The following DMD variants were observed in gnomAD, a reference collection of about 807,000 sequenced individuals.
The protein encoded by DMD is dystrophin.
A neutral mutation model predicts 330.1 loss-of-function variants in DMD; 63 were observed. That is an observed-to-expected ratio of 0.19 (90% CI 0.16 to 0.24). The LOEUF (loss-of-function observed/expected upper bound fraction) is 0.24. Among genes scored for constraint, DMD ranks in the 10% least tolerant of loss-of-function variants. DMD has a pLI of 1.00. For missense variants in DMD, 3,344 were observed against 2,684.1 expected (o/e 1.25, Z -5.43); for synonymous variants, 1,223 against 959.8 (o/e 1.27, Z -5.07).
At chrX:32,567,345 G>A (rs1303585634) in intron 15 of DMD, among the ~76,000 whole-genome samples, 1 of 112,137 alleles carries the variant, frequency 8.9e-6, no homozygotes, top group Non-Finnish European at 1.9e-5. Flanking sequence ...ATTATACACT[G>A]AATTCAAATC....
At chrX:33,028,904 G>C (rs1204289795) in intron 1 of DMD, among the ~76,000 whole-genome samples, 1 of 111,579 alleles carries the variant, frequency 9.0e-6, no homozygotes. Context: ...AAATTAGTTT[G>C]TTGTCTTCCA....
chrX:31,724,971 C>G (rs768188416), intron 52 of DMD, among the ~76,000 whole-genome samples: 1 of 112,041 alleles, frequency 8.9e-6, no homozygotes, highest in African/African-American at 3.2e-5. Context: ...ACACAGAAGT[C>G]AAAAGTATAA....
Position 32,823,282 on chromosome X carries a change from T to A in DMD, c.357+13A>T. On this transcript the variant is annotated intron_variant, in intron 5 of 78. Coordinates refer to ENST00000357033, the MANE Select transcript of DMD (RefSeq NM_004006.3). The stretch of plus-strand genomic sequence containing the variant: ...ATGTTACCCAAAAGGAAACCATTCA[T>A]CAGGATTCTTACCTGCCAGTGGAGG... 2.5e-6 allele frequency: 3 copies of A among 1,181,893 alleles called. No homozygotes were observed. Among genetic ancestry groups the A allele is most frequent in the Non-Finnish European group, 3.5e-6 (3 of 868,673 alleles).
chrX:32,000,274 C>A (rs1037374668), intron 44 of DMD, among the ~76,000 whole-genome samples: 1 of 111,977 alleles, frequency 8.9e-6, no homozygotes, highest in Admixed American at 9.5e-5. Context: ...ACCTTCAATG[C>A]CTTCTAAAAC....
chrX:33,138,497 T>C (rs2047632121), intron 1 of DMD, among the ~76,000 whole-genome samples: 1 of 111,989 alleles, frequency 8.9e-6, no homozygotes, highest in African/African-American at 3.2e-5. Flanking sequence ...TAAGTACAAT[T>C]TGCCAGCATT....
intron 67 of DMD, among the ~76,000 whole-genome samples, chrX:31,193,065 G>A (rs775673447): frequency 7.1e-4 from 79 of 111,337 alleles, no homozygotes; most frequent in Non-Finnish European, 1.2e-3. Context: ...CATGTCCCTC[G>A]TACCATTAGA....
At chrX:31,763,872 T>C (rs1427726386) in intron 51 of DMD, among the ~76,000 whole-genome samples, 11 of 111,206 alleles carry the variant, frequency 9.9e-5, no homozygotes, top group Non-Finnish European at 1.9e-4. Context: ...ATTATTTTAG[T>C]TTTATATTTT....
chrX:32,787,667 C>T (rs1008199764), intron 7 of DMD, among the ~76,000 whole-genome samples: 1 of 110,880 alleles, frequency 9.0e-6, no homozygotes, highest in African/African-American at 3.3e-5. Context: ...ATAAAAGTTA[C>T]GTGAATGTGG....
intron 52 of DMD, among the ~76,000 whole-genome samples, chrX:31,714,017 C>T (rs2084841573): frequency 1.8e-5 from 2 of 111,506 alleles, no homozygotes; most frequent in African/African-American, 3.3e-5. Flanking sequence ...AAATTAGATC[C>T]TTACTAAATA....
At chrX:32,858,679 G>A (rs1384882858) in intron 2 of DMD, among the ~76,000 whole-genome samples, 3 of 110,323 alleles carry the variant, frequency 2.7e-5, no homozygotes, top group African/African-American at 6.6e-5. Context: ...CCCCACCCCC[G>A]TTCCCACGGT....
At chrX:31,953,886 G>A (rs12013255) in intron 45 of DMD, among the ~76,000 whole-genome samples, 39,849 of 110,716 alleles carry the variant, frequency 0.36, 6,555 homozygotes, top group African/African-American at 0.65. Flanking sequence ...AATAAACACA[G>A]GTGGGAAGAT....
Position 32,852,699 on chromosome X carries a change from T to G in DMD, c.94-2879A>C, listed in dbSNP as rs202040641. ...GAGACCCAGGCCTCGCAGCGTTTAC[T>G]CCTAGTTAACTAAAAAGCTCTTGGG... On this transcript the variant is annotated intron_variant, in intron 2 of 78. Coordinates refer to ENST00000357033, the MANE Select transcript of DMD (RefSeq NM_004006.3). Among the ~76,000 whole-genome samples, 11 of 109,593 alleles carry G rather than the reference T, an allele frequency of 1.0e-4. No homozygotes were observed. In the East Asian group the frequency reaches 3.2e-3, roughly 32 times the overall value.
intron 20 of DMD, among the ~76,000 whole-genome samples, chrX:32,486,534 C>T (rs1305939235): frequency 1.8e-5 from 2 of 110,896 alleles, no homozygotes; most frequent in East Asian, 2.8e-4. Context: ...AAAGAGCCCG[C>T]ATCGCCAAGT....
At chrX:32,709,247 A>G (rs1250402117) in intron 7 of DMD, among the ~76,000 whole-genome samples, 1 of 111,789 alleles carries the variant, frequency 8.9e-6, no homozygotes, top group African/African-American at 3.3e-5. Flanking sequence ...AAGTGAAGAT[A>G]ATCAAATGTG....
At chrX:31,236,055 G>C (rs901644955) in intron 63 of DMD, among the ~76,000 whole-genome samples, 6 of 112,152 alleles carry the variant, frequency 5.3e-5, no homozygotes, top group Admixed American at 2.8e-4. Flanking sequence ...CTGCAAGAAA[G>C]GATTTCCCTT....
chrX:32,933,992 G>A (rs922753940), intron 2 of DMD, among the ~76,000 whole-genome samples: 1 of 111,149 alleles, frequency 9.0e-6, no homozygotes, highest in African/African-American at 3.3e-5. Context: ...GTGGAATGTC[G>A]TTGTGACCAA....
chrX:31,343,614 TGTGTGA>T (rs139916147), intron 61 of DMD, among the ~76,000 whole-genome samples: 3,491 of 95,705 alleles, frequency 0.036, 70 homozygotes, highest in Middle Eastern at 0.051. Flanking sequence ...TGTGTGTGTG[TGTGTGA>T]GAGAGAGAGA....
At chrX:31,415,637 TA>T (rs755637161) in intron 60 of DMD, among the ~76,000 whole-genome samples, 14 of 112,291 alleles carry the variant, frequency 1.2e-4, no homozygotes, top group Non-Finnish European at 2.6e-4. Context: ...TGGGTCTCAG[TA>T]GGACTGTGAT....
chrX:32,794,966 G>C (rs991939899), intron 7 of DMD, among the ~76,000 whole-genome samples: 1 of 111,957 alleles, frequency 8.9e-6, no homozygotes, highest in Admixed American at 9.5e-5. Context: ...GGAGGGAAAG[G>C]TCCGTATAAA....
Sources: allele counts gnomAD v4.1 joint callset (sites outside exome capture counted in the v4.1 genomes callset), GRCh38; gene constraint gnomAD v4.1.1; transcripts MANE v1.5; gene names NCBI Gene and HGNC (gene_info 2026-07-23, HGNC 2026-07-21).